Variants in RGMB observed in about 807,000 individuals in gnomAD.
RGMB encodes repulsive guidance molecule B.
In RGMB, 16 loss-of-function variants were observed where a neutral mutation model predicts 26.9. The observed-to-expected ratio is 0.60, with a 90% CI of 0.40 to 0.90. RGMB has a LOEUF of 0.90. Among genes scored for constraint, RGMB ranks in the 40% least tolerant of loss-of-function variants. RGMB has a pLI of 0.00. For synonymous variants in RGMB, 225 were observed against 229.3 expected, an observed-to-expected ratio of 0.98 and a Z score of 0.17; for missense variants, 512 against 573.3, an observed-to-expected ratio of 0.89 and a Z score of 1.09.
chr5:98,793,006 G>C, intron 2 of RGMB, 79 bp from the exon 3 acceptor site: 1 of 1,171,536 alleles, frequency 8.5e-7, no homozygotes, highest in Admixed American at 2.8e-5. Context: ...CAAAATGGCG[G>C]GGAGCTCTTG....
At chr5:98,783,630 C>A (rs1746675564) in intron 2 of RGMB, among the ~76,000 whole-genome samples, 1 of 152,156 alleles carries the variant, frequency 6.6e-6, no homozygotes, top group South Asian at 2.1e-4. Flanking sequence ...ATCTTTATAT[C>A]TCTGTTTAAG....
upstream of RGMB, chr5:98,772,969 GAGCCTCGCAC>G (rs1305550220): frequency 6.6e-6 from 1 of 152,182 alleles, no homozygotes. Flanking sequence ...TAGAACACCT[GAGCCTCGCAC>G]AGCTGCCAGC....
intron 2 of RGMB, among the ~76,000 whole-genome samples, chr5:98,784,327 G>T (rs929161664): frequency 2.0e-5 from 3 of 152,200 alleles, no homozygotes; most frequent in Admixed American, 6.5e-5. Flanking sequence ...TTCAAATTCT[G>T]TAGCTACTTT....
intron 2 of RGMB, among the ~76,000 whole-genome samples, chr5:98,786,851 G>GT (rs1201180878): frequency 2.6e-5 from 4 of 152,190 alleles, no homozygotes; most frequent in Non-Finnish European, 4.4e-5. Context: ...GGTGAAACTG[G>GT]TTCTATGGAG....
At chr5:98,775,875 A>T (rs1746384170) in intron 1 of RGMB, among the ~76,000 whole-genome samples, 1 of 152,204 alleles carries the variant, frequency 6.6e-6, no homozygotes, top group African/African-American at 2.4e-5. Flanking sequence ...CTGTTAAAGA[A>T]AAGAACGCTC....
intron 2 of RGMB, among the ~76,000 whole-genome samples, chr5:98,791,174 A>G (rs1018693379): frequency 6.6e-6 from 1 of 152,224 alleles, no homozygotes; most frequent in Non-Finnish European, 1.5e-5. Flanking sequence ...TTGAAATGTG[A>G]GAAGGCTGGT....
chr5:98,774,650 C>T (rs1010272963), intron 1 of RGMB, among the ~76,000 whole-genome samples: 1 of 152,174 alleles, frequency 6.6e-6, no homozygotes, highest in African/African-American at 2.4e-5. Flanking sequence ...TTGGGGGTGG[C>T]GGCGAGGCGA....
At chr5:98,792,585 G>GC (rs1308833745) in intron 2 of RGMB, among the ~76,000 whole-genome samples, 6 of 18,008 alleles carry the variant, frequency 3.3e-4, no homozygotes, top group Non-Finnish European at 5.7e-4. Context: ...CATCCCCCCC[G>GC]CCCCCCACCA....
chr5:98,786,655 C>A (rs374055179), intron 2 of RGMB, among the ~76,000 whole-genome samples: 1 of 152,352 alleles, frequency 6.6e-6, no homozygotes, highest in South Asian at 2.1e-4. Context: ...AGAACTTGCT[C>A]TTCCACTGTT....
In RGMB at chr5:98,793,299, G is replaced by T. The variant is rs1009222973; in HGVS notation, c.860G>T (p.Arg287Leu). The T allele has an allele frequency of 3.1e-6, 5 of 1,613,512 alleles. No homozygotes were observed. The highest frequency in any genetic ancestry group is 4.2e-6 in the Non-Finnish European group (5 of 1,179,724). ...GTTVFVRQVG[R>L]YLTLAIRMPE... is the part of the protein sequence containing the mutation. ...ACAGTGTTTGTGCGGCAGGTGGGTC[G>T]CTACCTGACCCTTGCCATCCGTATG... is the stretch of plus-strand genomic sequence containing the variant. Residue 287 changes from arginine to leucine, a missense_variant, in exon 3 of 3, where the codon CGC becomes CTC. By Grantham distance (102) the Arg-to-Leu change is moderately radical (BLOSUM62 -2). Coordinates refer to ENST00000513185, the MANE Select transcript of RGMB (RefSeq NM_001366508.1).
chr5:98,774,172 G>A lies in RGMB; in HGVS notation c.102G>A (p.Leu34=). ...GCCCCCCGCCGCTGGAGCTGCTGCT[G>A]CTGCTGCTGTTCAGCCTCGGGCTGC... is the stretch of plus-strand genomic sequence containing the variant. The part of the protein sequence containing the change: ...GLCPPPLELL[L]LLLFSLGLLH... Residue 34 remains leucine (L), a synonymous_variant, in exon 1 of 3, where the codon CTG becomes CTA. Transcript: ENST00000513185. The A allele has an allele frequency of 2.0e-6, 3 of 1,499,594 alleles. No homozygotes were observed. Among genetic ancestry groups the A allele is most frequent in the South Asian group, 1.2e-5 (1 of 80,272 alleles). 92.9% of individuals were successfully genotyped at this position (1,499,594 alleles called of 1,614,324 possible). A position where few individuals can be genotyped will look rare whatever the true frequency, so the allele number is the denominator to read the frequency against.
chr5:98,795,027 C>T lies in RGMB; in HGVS notation c.*1274C>T, dbSNP rs1747071776. On this transcript the variant is annotated 3_prime_UTR_variant, in exon 3 of 3. Transcript: ENST00000513185. The stretch of plus-strand genomic sequence containing the variant: ...AGTCAGGTACTCTCTCTCTCAACAC[C>T]TGTAGTTGAATATGATTTGGTCAGT... The T allele has an allele frequency of 6.6e-6, 1 of 152,172 alleles. No homozygotes were observed. The highest frequency in any genetic ancestry group is 2.4e-5 in the African/African-American group (1 of 41,424). The allele number at this position is 152,172 out of a possible 1,614,324, so 9.4% of individuals were successfully genotyped here.
intron 2 of RGMB, among the ~76,000 whole-genome samples, chr5:98,784,143 G>A (rs959355269): frequency 1.3e-5 from 2 of 152,202 alleles, no homozygotes; most frequent in Non-Finnish European, 2.9e-5. Context: ...CAAGCAAGAT[G>A]ACTGTTAGGC....
In RGMB at chr5:98,795,767, AATAC is replaced by A. The variant is rs1206430815; in HGVS notation, c.*2015_*2018del. ...AATTGAGTAGTACAAGCGAGGAAAA[AATAC>A]GGAGGATAACCACTATTTTTGTGCA... On this transcript the variant is annotated 3_prime_UTR_variant, in exon 3 of 3. Transcript: ENST00000513185. 6.6e-6 allele frequency: 1 copy of A among 152,222 alleles called. No individual in the cohort carries two copies. The highest frequency in any genetic ancestry group is 1.5e-5 in the Non-Finnish European group (1 of 68,038). 9.4% of individuals were successfully genotyped at this position (152,222 alleles called of 1,614,324 possible).
intron 2 of RGMB, among the ~76,000 whole-genome samples, chr5:98,787,190 A>C (rs1746790052): frequency 6.6e-6 from 1 of 152,254 alleles, no homozygotes; most frequent in Admixed American, 6.5e-5. Context: ...CATGGTAACC[A>C]TTCTAACCAC....
Position 98,780,073 on chromosome 5 carries a change from T to C in RGMB, c.630T>C (p.Ala210=). 6.2e-7 allele frequency: 1 copy of C among 1,610,876 alleles called. No individual in the cohort carries two copies. The highest frequency in any genetic ancestry group is 8.5e-7 in the Non-Finnish European group (1 of 1,179,668). The change falls in exon 2 of 3, where the codon GCT becomes GCC. Residue 210 remains alanine, a synonymous_variant. Transcript: ENST00000513185. The part of the protein sequence containing the change: ...TNVPVVPGSS[A]TATNKITIIF... ...TACCTGTGGTCCCTGGATCCAGTGC[T>C]ACTGCTACAAATAAGGCAAGTATAC... is the stretch of plus-strand genomic sequence containing the variant.
Position 98,793,204 on chromosome 5 carries a change from C to T in RGMB, c.765C>T (p.Ala255=). ...CCACCAGTGGTGGGGACAGCGATGC[C>T]AAGAGCCTGCGTATCGTGGAAAGGG... ...DGTTSGGDSD[A]KSLRIVERES... The change falls in exon 3 of 3, where the codon GCC becomes GCT. Residue 255 remains alanine, a synonymous_variant. Coordinates refer to ENST00000513185, the MANE Select transcript of RGMB (RefSeq NM_001366508.1). 6.2e-7 allele frequency: 1 copy of T among 1,614,000 alleles called. No individual in the cohort carries two copies. The highest frequency in any genetic ancestry group is 8.5e-7 in the Non-Finnish European group (1 of 1,179,888).
chr5:98,776,137 A>T, intron 1 of RGMB, among the ~76,000 whole-genome samples: 1 of 152,298 alleles, frequency 6.6e-6, no homozygotes, highest in East Asian at 1.9e-4. Context: ...CTGGTGTTAA[A>T]GAAACTGTCT....
chr5:98,783,420 C>T (rs150368968), intron 2 of RGMB, among the ~76,000 whole-genome samples: 1 of 152,312 alleles, frequency 6.6e-6, no homozygotes, highest in African/African-American at 2.4e-5. Context: ...GAGTTAGCTA[C>T]ACTGAGAAGA....
Sources: allele counts gnomAD v4.1 joint callset (sites outside exome capture counted in the v4.1 genomes callset), GRCh38; gene constraint gnomAD v4.1.1; transcripts MANE v1.5; gene names NCBI Gene and HGNC (gene_info 2026-07-23, HGNC 2026-07-21).